The following NFX1 variants were observed in gnomAD, a reference collection of about 807,000 sequenced individuals.
The protein encoded by NFX1 is nuclear transcription factor, X-box binding 1, also known as transcriptional repressor NF-X1.
NFX1 carries 69 observed loss-of-function variants against 137.2 expected under a neutral mutation model. The ratio of observed to expected loss-of-function variants is 0.50; its 90% confidence interval spans 0.41 to 0.61. The LOEUF (loss-of-function observed/expected upper bound fraction) is 0.61. Ranked by LOEUF, NFX1 falls within the 20% of genes least tolerant of loss-of-function variation. NFX1 has a pLI of 0.00. For missense variants in NFX1, 1,167 were observed against 1,391.0 expected (o/e 0.84, Z 2.56); for synonymous variants, 495 against 474.1 (o/e 1.04, Z -0.57).
intron 11 of NFX1, among the ~76,000 whole-genome samples, chr9:33,335,193 A>C (rs1041256153): frequency 2.1e-5 from 3 of 140,342 alleles, no homozygotes; most frequent in Non-Finnish European, 4.6e-5. Flanking sequence ...TCTGTCTTAC[A>C]TTTTTTCTTC....
At chr9:33,331,308 T>C (rs1189025408) in intron 10 of NFX1, among the ~76,000 whole-genome samples, 1 of 152,254 alleles carries the variant, frequency 6.6e-6, no homozygotes, top group Non-Finnish European at 1.5e-5. Flanking sequence ...ATAAAACATT[T>C]CTTAAAACTT....
intron 14 of NFX1, among the ~76,000 whole-genome samples, chr9:33,346,051 G>A (rs1309684561): frequency 6.6e-6 from 1 of 152,206 alleles, no homozygotes; most frequent in East Asian, 1.9e-4. Context: ...GATTTTTTAA[G>A]TTAATGGAGT....
intron 21 of NFX1, chr9:33,364,984 C>A: frequency 7.3e-7 from 1 of 1,370,406 alleles, no homozygotes; most frequent in Non-Finnish European, 9.4e-7. Context: ...CAGAAAAGAT[C>A]TACAGTCGGC....
At position 33,340,110 on chromosome 9, in the gene NFX1, G is replaced by C. The variant is rs558257484; in HGVS notation, c.2115+1521G>C. 3.3e-5 allele frequency among the ~76,000 whole-genome samples: 5 copies of C among 152,346 alleles called. No homozygotes were observed. The East Asian group carries it at 9.6e-4, about 29-fold the overall frequency. Reference sequence around the variant, plus strand: ...GGTGGTGCCCTAGTAGGGACTCCGTGTGGGGGCTGCAACCCCACATTTCCC... The same window carrying C: ...GGTGGTGCCCTAGTAGGGACTCCGTCTGGGGGCTGCAACCCCACATTTCCC... On this transcript the variant is annotated intron_variant, in intron 12 of 23. Coordinates refer to ENST00000379540, the MANE Select transcript of NFX1 (RefSeq NM_002504.6).
At chr9:33,334,350 G>A (rs534019262) in intron 11 of NFX1, among the ~76,000 whole-genome samples, 3 of 152,206 alleles carry the variant, frequency 2.0e-5, no homozygotes, top group East Asian at 1.9e-4. Context: ...CTAGATACTC[G>A]GGAGGCTGAG....
At chr9:33,309,481 TA>T (rs1210023765) in intron 5 of NFX1, among the ~76,000 whole-genome samples, 1 of 152,200 alleles carries the variant, frequency 6.6e-6, no homozygotes, top group Non-Finnish European at 1.5e-5. Flanking sequence ...AAGAACACCT[TA>T]AAACCTGCTC....
At chr9:33,366,096 C>T (rs1208041620) in intron 21 of NFX1, 3 of 153,758 alleles carry the variant, frequency 2.0e-5, no homozygotes, top group East Asian at 1.9e-4. Context: ...TTCCCATTCC[C>T]CTCCTTTCCT....
chr9:33,319,005 C>T lies in NFX1; in HGVS notation c.1784C>T (p.Pro595Leu). 1 of 1,614,204 alleles carries T rather than the reference C, an allele frequency of 6.2e-7. No homozygotes were observed. Among genetic ancestry groups the T allele is most frequent in the South Asian group, 1.1e-5 (1 of 91,088 alleles). ...PRLPQLVRCC[P>L]CGQTPLSQLL... ...CTCCCCCAGCTGGTGCGCTGTTGCCCCTGTGGCCAAACTCCTCTCAGCCAA... is the reference window on the plus strand; with the variant it reads ...CTCCCCCAGCTGGTGCGCTGTTGCCTCTGTGGCCAAACTCCTCTCAGCCAA... Residue 595 changes from proline (P) to leucine (L), a missense_variant, in exon 9 of 24, where the codon CCC (proline) becomes CTC (leucine). Physicochemically the swap from Pro to Leu is moderately conservative, Grantham distance 98. Transcript: ENST00000379540.
chr9:33,352,846 TA>T lies in NFX1; in HGVS notation c.2729+129del, dbSNP rs1419906196. ...GAAGAAACGAAGTCTGTAACTGTTG[TA>T]ATCAGTTGTAAACACCACTGCACAG... On this transcript the variant is annotated intron_variant, in intron 17 of 23. Coordinates refer to ENST00000379540, the MANE Select transcript of NFX1 (RefSeq NM_002504.6). 11 of 700,626 alleles carry T rather than the reference TA, an allele frequency of 1.6e-5. No homozygotes were observed. The Admixed American group carries it at 1.8e-4, about 11-fold the overall frequency. 43.4% of individuals were successfully genotyped at this position (700,626 alleles called of 1,614,324 possible). A position where few individuals can be genotyped will look rare whatever the true frequency, so the allele number is the denominator to read the frequency against.
intron 10 of NFX1, among the ~76,000 whole-genome samples, chr9:33,331,554 A>T (rs547419659): frequency 3.9e-5 from 6 of 152,322 alleles, no homozygotes; most frequent in African/African-American, 9.6e-5. Flanking sequence ...CTTTTGCTTT[A>T]TATCTGTAGA....
intron 11 of NFX1, among the ~76,000 whole-genome samples, chr9:33,336,725 CA>C (rs200123067): frequency 0.011 from 1,640 of 152,286 alleles, 27 homozygotes; most frequent in African/African-American, 0.038. Context: ...ACAAGCCTCC[CA>C]AATAGCTGGG....
At chr9:33,336,096 T>C (rs576952447) in intron 11 of NFX1, among the ~76,000 whole-genome samples, 6 of 152,338 alleles carry the variant, frequency 3.9e-5, no homozygotes, top group Admixed American at 6.5e-5. Flanking sequence ...TGTTTAATTT[T>C]TTTGAAAAAC....
chr9:33,369,470 C>A (rs1394564225), intron 23 of NFX1, among the ~76,000 whole-genome samples: 1 of 152,150 alleles, frequency 6.6e-6, no homozygotes, highest in African/African-American at 2.4e-5. Context: ...CATAAATGCC[C>A]ATGTGCCCAT....
chr9:33,354,204 A>G lies in NFX1; in HGVS notation c.2831+17A>G, dbSNP rs567569115. 5.2e-5 allele frequency: 82 copies of G among 1,583,976 alleles called. No homozygotes were observed. In the South Asian group the frequency reaches 8.3e-4, roughly 16 times the overall value. On this transcript the variant is annotated intron_variant, in intron 18 of 23. Coordinates refer to ENST00000379540, the MANE Select transcript of NFX1 (RefSeq NM_002504.6). ...TCAAGCCAGGTAATTTTTAAAATGC[A>G]TATATGTGCCTTCTTTCTTCAATTA...
intron 7 of NFX1, among the ~76,000 whole-genome samples, chr9:33,315,923 C>A (rs1822147768): frequency 6.6e-6 from 1 of 151,104 alleles, no homozygotes; most frequent in Non-Finnish European, 1.5e-5. Context: ...TTGTTCACAA[C>A]AATGCCAGTC....
intron 12 of NFX1, among the ~76,000 whole-genome samples, chr9:33,341,079 C>A (rs915183776): frequency 3.3e-5 from 5 of 152,218 alleles, no homozygotes; most frequent in Non-Finnish European, 7.3e-5. Flanking sequence ...AGCAGTGCCC[C>A]ACTCTGCTGG....
At chr9:33,293,345 C>T (rs1244312324) in intron 1 of NFX1, among the ~76,000 whole-genome samples, 5 of 152,190 alleles carry the variant, frequency 3.3e-5, no homozygotes, top group Non-Finnish European at 4.4e-5. Context: ...CCCTCAGGCT[C>T]TATACTGCAC....
intron 11 of NFX1, 32 bp from the exon 12 acceptor site, chr9:33,338,478 G>GTT (rs535099134): frequency 2.2e-5 from 31 of 1,400,634 alleles, no homozygotes; most frequent in East Asian, 5.1e-5. Context: ...CCTTTGTCTG[G>GTT]TTTTTTTTTT....
At chr9:33,343,451 C>T (rs527616130) in intron 13 of NFX1, among the ~76,000 whole-genome samples, 4 of 152,128 alleles carry the variant, frequency 2.6e-5, no homozygotes, top group East Asian at 1.9e-4. Flanking sequence ...TCCAGTCTGT[C>T]GTGATATAGT....
Sources: allele counts gnomAD v4.1 joint callset (sites outside exome capture counted in the v4.1 genomes callset), GRCh38; gene constraint gnomAD v4.1.1; transcripts MANE v1.5; gene names NCBI Gene and HGNC (gene_info 2026-07-23, HGNC 2026-07-21).